LRMDA: variants seen among roughly 807,000 people sequenced by gnomAD.
The protein encoded by LRMDA is leucine rich melanocyte differentiation associated, also known as leucine-rich melanocyte differentiation-associated protein.
A neutral mutation model predicts 29.8 loss-of-function variants in LRMDA; 18 were observed. The ratio of observed to expected loss-of-function variants is 0.60; its 90% CI spans 0.42 to 0.90. The LOEUF is 0.90. LRMDA is among the 40% of genes least tolerant of loss of function. LRMDA has a pLI of 0.00. For synonymous variants in LRMDA, 125 were observed against 109.4 expected (o/e 1.14, Z -0.89); for missense variants, 273 against 273.9 (o/e 1.00, Z 0.02).
chr10:75,646,060 C>G (rs1034415961), intron 2 of LRMDA, among the ~76,000 whole-genome samples: 1 of 151,600 alleles, frequency 6.6e-6, no homozygotes, highest in Non-Finnish European at 1.5e-5. Context: ...ATCCTCACCC[C>G]CATTCTTTCT....
chr10:75,993,326 C>T (rs552114856), intron 2 of LRMDA, among the ~76,000 whole-genome samples: 1 of 152,232 alleles, frequency 6.6e-6, no homozygotes, highest in South Asian at 2.1e-4. Context: ...GAGGAGGATA[C>T]TATGTTAGCA....
chr10:75,617,350 T>G (rs564964871), intron 2 of LRMDA, among the ~76,000 whole-genome samples: 2 of 152,274 alleles, frequency 1.3e-5, no homozygotes, highest in Admixed American at 1.3e-4. Flanking sequence ...ATTTAGCAAA[T>G]GGCTGGTTGG....
intron 2 of LRMDA, among the ~76,000 whole-genome samples, chr10:75,454,454 G>A (rs1401887860): frequency 6.6e-6 from 1 of 152,134 alleles, no homozygotes; most frequent in East Asian, 1.9e-4. Context: ...GCATGCCAAA[G>A]CACCATACTC....
chr10:76,385,205 G>A (rs898517671), intron 6 of LRMDA, among the ~76,000 whole-genome samples: 4 of 152,170 alleles, frequency 2.6e-5, no homozygotes, highest in African/African-American at 9.7e-5. Flanking sequence ...TCAGTTGCCC[G>A]AGGAGAGGAG....
chr10:75,491,870 A>G lies in LRMDA; in HGVS notation c.131+53376A>G, dbSNP rs572688675. Among the ~76,000 whole-genome samples the G allele has an allele frequency of 1.8e-4, 28 of 152,286 alleles. No individual in the cohort carries two copies. In the East Asian group the frequency reaches 1.9e-3, roughly 10 times the overall value. On this transcript the variant is annotated intron_variant, in intron 2 of 6. Transcript: ENST00000611255. ...TTCATCTTATAAAACTCCGTGAGCAAATGTAAGAGGCAAAACAATTGATAA... is the reference window on the plus strand; with the variant it reads ...TTCATCTTATAAAACTCCGTGAGCAGATGTAAGAGGCAAAACAATTGATAA...
At chr10:76,104,598 T>G (rs1849449893) in intron 5 of LRMDA, among the ~76,000 whole-genome samples, 1 of 152,172 alleles carries the variant, frequency 6.6e-6, no homozygotes. Flanking sequence ...GGCTATCTGC[T>G]CTGGGTAGCT....
chr10:75,899,975 G>A (rs11594905), intron 2 of LRMDA, among the ~76,000 whole-genome samples: 13,722 of 152,310 alleles, frequency 0.09, 830 homozygotes, highest in Admixed American at 0.13. Context: ...AGGCAGAACA[G>A]TAGTTCTCCA....
intron 5 of LRMDA, among the ~76,000 whole-genome samples, chr10:76,292,152 G>T (rs1197851542): frequency 2.0e-5 from 3 of 152,180 alleles, no homozygotes; most frequent in East Asian, 3.9e-4. Flanking sequence ...CCAGAGGCCT[G>T]CATTAAACAA....
intron 3 of LRMDA, among the ~76,000 whole-genome samples, chr10:76,041,803 A>G (rs1276822083): frequency 6.6e-6 from 1 of 152,200 alleles, no homozygotes; most frequent in Non-Finnish European, 1.5e-5. Context: ...CAACACTGAA[A>G]AAAAATCTCA....
intron 4 of LRMDA, among the ~76,000 whole-genome samples, chr10:76,051,212 G>A (rs1437914400): frequency 1.3e-5 from 2 of 152,230 alleles, no homozygotes; most frequent in Non-Finnish European, 2.9e-5. Flanking sequence ...AACCCAGTGA[G>A]CATTCTCCAG....
chr10:75,838,929 A>G (rs905772782), intron 2 of LRMDA, among the ~76,000 whole-genome samples: 7 of 152,184 alleles, frequency 4.6e-5, no homozygotes, highest in Non-Finnish European at 1.5e-5. Flanking sequence ...GGAGAGCACA[A>G]CTTGATATGG....
chr10:75,634,434 C>G (rs1391957170), intron 2 of LRMDA, among the ~76,000 whole-genome samples: 1 of 152,164 alleles, frequency 6.6e-6, no homozygotes, highest in African/African-American at 2.4e-5. Context: ...TCTCTGACTT[C>G]TTTTGAAGAT....
intron 2 of LRMDA, among the ~76,000 whole-genome samples, chr10:75,768,100 T>TG (rs1352012173): frequency 6.6e-6 from 1 of 152,128 alleles, no homozygotes; most frequent in Non-Finnish European, 1.5e-5. Flanking sequence ...TCCAGGACTG[T>TG]GGGGAAATGA....
chr10:76,203,109 G>T (rs1191123397), intron 5 of LRMDA, among the ~76,000 whole-genome samples: 1 of 152,202 alleles, frequency 6.6e-6, no homozygotes, highest in African/African-American at 2.4e-5. Context: ...ATGCCAGAGA[G>T]CATGAGTACT....
intron 2 of LRMDA, among the ~76,000 whole-genome samples, chr10:75,654,376 C>G (rs951545472): frequency 6.6e-6 from 1 of 152,090 alleles, no homozygotes; most frequent in African/African-American, 2.4e-5. Flanking sequence ...TGAATGGGAG[C>G]CACCAACAGT....
At chr10:76,412,747 C>T (rs1430907954) in intron 6 of LRMDA, among the ~76,000 whole-genome samples, 1 of 152,196 alleles carries the variant, frequency 6.6e-6, no homozygotes, top group African/African-American at 2.4e-5. Flanking sequence ...CCTATGCCCA[C>T]AAACATCCTC....
At chr10:75,618,376 CTCTCTCTATA>C (rs1554816229) in intron 2 of LRMDA, among the ~76,000 whole-genome samples, 5,454 of 68,992 alleles carry the variant, frequency 0.079, 140 homozygotes, top group South Asian at 0.13. Flanking sequence ...CTCTCTCTCT[CTCTCTCTATA>C]TATATATATA....
intron 2 of LRMDA, among the ~76,000 whole-genome samples, chr10:75,694,159 ATGTT>A (rs2132164033): frequency 6.6e-6 from 1 of 152,362 alleles, no homozygotes; most frequent in Admixed American, 6.5e-5. Context: ...CTCAGTGTGC[ATGTT>A]TGTGTGTTTA....
At chr10:76,148,110 C>T (rs566367139) in intron 5 of LRMDA, among the ~76,000 whole-genome samples, 3 of 152,322 alleles carry the variant, frequency 2.0e-5, no homozygotes, top group Admixed American at 2.0e-4. Context: ...GGGGTGCCTC[C>T]CCGTTAGGCT....
Sources: allele counts gnomAD v4.1 joint callset (sites outside exome capture counted in the v4.1 genomes callset), GRCh38; gene constraint gnomAD v4.1.1; transcripts MANE v1.5; gene names NCBI Gene and HGNC (gene_info 2026-07-23, HGNC 2026-07-21).